DNAH10: variants seen among roughly 807,000 people sequenced by gnomAD.
DNAH10 encodes axonemal beta dynein heavy chain 10.
A neutral mutation model predicts 506.6 loss-of-function variants in DNAH10; 348 were observed. The observed-to-expected ratio is 0.69, with a 90% CI of 0.63 to 0.75. The LOEUF (loss-of-function observed/expected upper bound fraction) is 0.75. Among genes scored for constraint, DNAH10 ranks in the 30% least tolerant of loss-of-function variants. The probability of loss-of-function intolerance (pLI) is 0.00; values close to 1 mark genes in which losing one functional copy is unlikely to be tolerated. For synonymous variants in DNAH10, 2,059 were observed against 2,198.6 expected, an observed-to-expected ratio of 0.94 and a Z score of 1.78; for missense variants, 5,179 against 5,787.1, an observed-to-expected ratio of 0.89 and a Z score of 3.41.
intron 48 of DNAH10, among the ~76,000 whole-genome samples, chr12:123,878,191 A>C (rs908118016): frequency 8.5e-5 from 13 of 152,208 alleles, no homozygotes; most frequent in Non-Finnish European, 1.3e-4. Context: ...TCAGTTCTGA[A>C]GTTGGAATTT....
chr12:123,819,730 AGTCTC>A (rs1390927550), intron 23 of DNAH10, among the ~76,000 whole-genome samples: 2 of 136,524 alleles, frequency 1.5e-5, no homozygotes, highest in Non-Finnish European at 3.1e-5. Flanking sequence ...TTTGAGACAG[AGTCTC>A]GCTCTGTCAC....
intron 17 of DNAH10, among the ~76,000 whole-genome samples, chr12:123,804,393 T>C (rs1958582045): frequency 6.6e-6 from 1 of 151,816 alleles, no homozygotes; most frequent in Non-Finnish European, 1.5e-5. Context: ...GGCGTGGTGG[T>C]GGGCACCTGT....
intron 54 of DNAH10, among the ~76,000 whole-genome samples, chr12:123,895,384 C>T (rs1193958878): frequency 6.6e-6 from 1 of 152,130 alleles, no homozygotes; most frequent in Non-Finnish European, 1.5e-5. Context: ...TAAATCTGTA[C>T]TCAATAATAA....
rs138480894 is a variant in DNAH10, at chr12:123,810,637, G to A, written c.3144+1684G>A. On this transcript the variant is annotated intron_variant, in intron 19 of 78. Transcript: ENST00000673944. ...GAACCCAGGAGGCAGAGCTTGCAGC[G>A]AGCCGAGATCGCACCACTGCACTCC... 3.1e-3 allele frequency among the ~76,000 whole-genome samples: 476 copies of A among 152,072 alleles called. 5 individuals carry two copies. Among genetic ancestry groups the A allele is most frequent in the African/African-American group, 0.011 (444 of 41,450 alleles).
intron 5 of DNAH10, among the ~76,000 whole-genome samples, chr12:123,778,463 G>A (rs1957522126): frequency 6.6e-6 from 1 of 152,134 alleles, no homozygotes; most frequent in Non-Finnish European, 1.5e-5. Context: ...GGGAGGCCAA[G>A]GTGGATGGAT....
At position 123,933,365 on chromosome 12, in the gene DNAH10, C is replaced by T. The variant is rs758968876; in HGVS notation, c.13331C>T (p.Ser4444Leu). ...TESEPSVMWLSGLHIPESYLT... is the reference protein window; with the variant it reads ...TESEPSVMWLLGLHIPESYLT... ...AGCGAGCCCAGCGTGATGTGGCTCT[C>T]GGGGCTGCACATCCCTGAGTCCTAC... Residue 4444 changes from serine (S) to leucine (L), a missense_variant, in exon 77 of 79, where the codon TCG becomes TTG. Ser to Leu is a moderately radical substitution (Grantham distance 145). Transcript: ENST00000673944. The T allele has an allele frequency of 1.0e-5, 16 of 1,603,516 alleles. No individual in the cohort carries two copies. The highest frequency in any genetic ancestry group is 5.1e-5 in the Admixed American group (3 of 59,160).
At chr12:123,892,510 C>T (rs76244418) in intron 52 of DNAH10, among the ~76,000 whole-genome samples, 11,641 of 152,206 alleles carry the variant, frequency 0.076, 527 homozygotes, top group African/African-American at 0.13. Context: ...AGATTTGGTG[C>T]GGACGCAGAT....
chr12:123,847,237 T>G (rs1488052997), intron 32 of DNAH10, among the ~76,000 whole-genome samples: 1 of 147,458 alleles, frequency 6.8e-6, no homozygotes, highest in Non-Finnish European at 1.5e-5. Context: ...TATCTATCTA[T>G]CTATCTATCT....
rs1273523262 is a variant in DNAH10, at chr12:123,830,650, T to C, written c.4496T>C (p.Val1499Ala). 1.2e-6 allele frequency: 2 copies of C among 1,613,646 alleles called. No individual in the cohort carries two copies. The highest frequency in any genetic ancestry group is 1.7e-6 in the Non-Finnish European group (2 of 1,179,786). ...ATGGAACTGCACAAACACACAGATGTTCTCAATGAGATTGTCACAGCAGCA... is the reference window on the plus strand; with the variant it reads ...ATGGAACTGCACAAACACACAGATGCTCTCAATGAGATTGTCACAGCAGCA... The part of the protein sequence containing the change: ...FAMELHKHTD[V>A]LNEIVTAAIK... The change falls in exon 26 of 79, where the codon GTT (valine) becomes GCT (alanine). Residue 1499 changes from valine (V) to alanine (A), a missense_variant. Coordinates refer to ENST00000673944, the MANE Select transcript of DNAH10 (RefSeq NM_001372106.1).
At position 123,887,135 on chromosome 12, in the gene DNAH10, A is replaced by C. The variant is rs1416754002; in HGVS notation, c.8824-7A>C. The stretch of plus-strand genomic sequence containing the variant: ...TGACGCCCATGTGCTCTGTGTCTGC[A>C]TCGCAGGTGTTTGAGATCCTGCTGA... On this transcript the variant is annotated splice_region_variant and splice_polypyrimidine_tract_variant and intron_variant, in intron 51 of 78. Coordinates refer to ENST00000673944, the MANE Select transcript of DNAH10 (RefSeq NM_001372106.1). 1.9e-6 allele frequency: 3 copies of C among 1,599,652 alleles called. No individual in the cohort carries two copies. Among genetic ancestry groups the C allele is most frequent in the African/African-American group, 1.3e-5 (1 of 74,642 alleles).
chr12:123,933,498 GC>G lies in DNAH10; in HGVS notation c.13465del (p.Arg4489GlyfsTer20). On this transcript the variant is annotated frameshift_variant, in exon 77 of 79. Coordinates refer to ENST00000673944, the MANE Select transcript of DNAH10 (RefSeq NM_001372106.1). LOFTEE classifies it high-confidence loss of function. ...TCCAGGATGCAGATGAAGTGAATGA[GC>G]GGGCGGGACAAGGTACCGTCAGCTC... ...KFQDADEVNE[R>X]AGQGCFVSGL... 2 of 1,604,628 alleles carry G rather than the reference GC, an allele frequency of 1.2e-6. No homozygotes were observed. Among genetic ancestry groups the G allele is most frequent in the Non-Finnish European group, 1.7e-6 (2 of 1,174,446 alleles).
chr12:123,908,147 C>CCTCCCTAT lies in DNAH10; in HGVS notation c.9816-1108_9816-1107insATCTCCCT, dbSNP rs1158623743. ...CTGTCTCCTCCCTGTCTCTCTGTCT[C>CCTCCCTAT]CTCCCTGTCTCCCTGTCTCCTCCCT... On this transcript the variant is annotated intron_variant, in intron 57 of 78. Coordinates refer to ENST00000673944, the MANE Select transcript of DNAH10 (RefSeq NM_001372106.1). Among the ~76,000 whole-genome samples, 153 of 146,846 alleles carry CCTCCCTAT rather than the reference C, an allele frequency of 1.0e-3. 2 individuals are homozygous for CCTCCCTAT. The highest frequency in any genetic ancestry group is 3.8e-3 in the African/African-American group (144 of 37,788).
In DNAH10 at chr12:123,935,506, A is replaced by G. The variant is rs1594432943; in HGVS notation, c.*25A>G. 2 of 1,559,906 alleles carry G rather than the reference A, an allele frequency of 1.3e-6. No individual in the cohort carries two copies. The highest frequency in any genetic ancestry group is 4.6e-5 in the East Asian group (2 of 43,780). The stretch of plus-strand genomic sequence containing the variant: ...ACCTTTGGGTGAAGAAAACTGCTTA[A>G]TGAATTCGGAGCCTGGGGTTGTCAG... On this transcript the variant is annotated 3_prime_UTR_variant, in exon 79 of 79. Coordinates refer to ENST00000673944, the MANE Select transcript of DNAH10 (RefSeq NM_001372106.1).
In DNAH10 at chr12:123,782,012, C is replaced by G. The variant is rs539062729; in HGVS notation, c.841+713C>G. On this transcript the variant is annotated intron_variant, in intron 6 of 78. Transcript: ENST00000673944. The stretch of plus-strand genomic sequence containing the variant: ...GACTGAAAAATCATCTTGACGTTTT[C>G]CTCCACTATTTGTTTTCTCTTGCTG... 2.0e-5 allele frequency among the ~76,000 whole-genome samples: 3 copies of G among 152,198 alleles called. No individual in the cohort carries two copies. The South Asian group carries it at 6.2e-4, about 32-fold the overall frequency.
chr12:123,767,772 C>A, intron 2 of DNAH10, 83 bp downstream of exon 2: 1 of 1,176,004 alleles, frequency 8.5e-7, no homozygotes, highest in Non-Finnish European at 1.2e-6. Flanking sequence ...TGCCGTGCCA[C>A]AATCAGTTGT....
chr12:123,861,374 A>G (rs1951606130), intron 39 of DNAH10, among the ~76,000 whole-genome samples: 1 of 152,182 alleles, frequency 6.6e-6, no homozygotes, highest in South Asian at 2.1e-4. Flanking sequence ...TAGTGATGCA[A>G]TGTGGTAGGT....
chr12:123,776,798 G>A (rs952309612), intron 5 of DNAH10, among the ~76,000 whole-genome samples: 14 of 152,166 alleles, frequency 9.2e-5, no homozygotes, highest in African/African-American at 3.4e-4. Context: ...AATATTCATT[G>A]AGCACCTACT....
chr12:123,921,690 A>ATTTTTTTTTT (rs1566107321), intron 65 of DNAH10, among the ~76,000 whole-genome samples: 4 of 98,234 alleles, frequency 4.1e-5, no homozygotes, highest in Admixed American at 2.5e-4. Context: ...TGTAGCTTGC[A>ATTTTTTTTTT]GTTTTTTTTT....
rs374656340 is a variant in DNAH10, at chr12:123,845,837, C to T, written c.5598C>T (p.Ala1866=). ...YNTVLIIDVH[A]RDIVDSFIRG... ...CTGTTCTCATCATTGATGTGCATGC[C>T]AGAGACATAGTTGATTCTTTCATAA... is the stretch of plus-strand genomic sequence containing the variant. The change falls in exon 31 of 79, where the codon GCC becomes GCT. Residue 1866 remains alanine, a synonymous_variant. Coordinates refer to ENST00000673944, the MANE Select transcript of DNAH10 (RefSeq NM_001372106.1). 1.2e-6 allele frequency: 2 copies of T among 1,613,890 alleles called. No homozygotes were observed. The highest frequency in any genetic ancestry group is 2.7e-5 in the African/African-American group (2 of 74,916).
Sources: allele counts gnomAD v4.1 joint callset (sites outside exome capture counted in the v4.1 genomes callset), GRCh38; gene constraint gnomAD v4.1.1; transcripts MANE v1.5; gene names NCBI Gene and HGNC (gene_info 2026-07-23, HGNC 2026-07-21).